The following PNKP variants were observed in gnomAD, a reference collection of about 807,000 sequenced individuals.
The protein encoded by PNKP is polynucleotide kinase 3'-phosphatase.
In PNKP, 82 loss-of-function variants were observed where a neutral mutation model predicts 66.2. The ratio of observed to expected loss-of-function variants is 1.24; its 90% CI spans 1.04 to 1.49. The LOEUF (loss-of-function observed/expected upper bound fraction) is 1.49, where lower values mean the gene tolerates loss of function less well. PNKP is among the 40% of genes most tolerant of loss of function. PNKP has a pLI of 0.00. For missense variants in PNKP, 907 were observed against 706.8 expected, an observed-to-expected ratio of 1.28 and a Z score of -3.21; for synonymous variants, 412 against 298.9, an observed-to-expected ratio of 1.38 and a Z score of -3.90.
rs749579842 is a variant in PNKP at position 49,865,298 on chromosome 19, G to C, written c.327C>G (p.Thr109=). 9.9e-6 allele frequency: 16 copies of C among 1,614,068 alleles called. No individual in the cohort carries two copies. In the Admixed American group the frequency reaches 2.5e-4, roughly 25 times the overall value. Residue 109 remains threonine (T), a synonymous_variant, in exon 4 of 17, where the codon ACC becomes ACG. Transcript: ENST00000322344. ...TATCTGGCTGGGATTCTGGTGTGCGGGTCTCTTCCCAGCGCAGGGTCAGTG... is the reference window on the plus strand; with the variant it reads ...TATCTGGCTGGGATTCTGGTGTGCGCGTCTCTTCCCAGCGCAGGGTCAGTG... ...LHPLTLRWEE[T]RTPESQPDTP...
intron 2 of PNKP, chr19:49,866,791 C>T (rs762864670): frequency 1.1e-4 from 66 of 598,008 alleles, no homozygotes; most frequent in Non-Finnish European, 1.8e-4. Flanking sequence ...CGAAGGTCGT[C>T]GCCTGTTTCT....
chr19:49,866,773 T>G (rs1476301519), intron 2 of PNKP: 2 of 593,954 alleles, frequency 3.4e-6, no homozygotes, highest in Non-Finnish European at 6.0e-6. Flanking sequence ...GGATCATTTT[T>G]CTCTTGACGA....
Position 49,861,345 on chromosome 19 carries a change from G to C in PNKP, c.1469C>G (p.Thr490Arg). 6.2e-7 allele frequency: 1 copy of C among 1,614,176 alleles called. No individual in the cohort carries two copies. The highest frequency in any genetic ancestry group is 1.7e-5 in the Admixed American group (1 of 60,028). The change falls in exon 17 of 17, where the codon ACG (threonine) becomes AGG (arginine). Residue 490 changes from threonine (T) to arginine (R), a missense_variant. Thr to Arg is a moderately conservative substitution (Grantham distance 71). Coordinates refer to ENST00000322344, the MANE Select transcript of PNKP (RefSeq NM_007254.4). ...YGYRKQFEAPTLAEGFSAILE... is the reference protein window; with the variant it reads ...YGYRKQFEAPRLAEGFSAILE... Reference sequence around the variant, plus strand: ...GATGGCAGAGAAGCCTTCAGCCAGCGTTGGGGCCTCGAACTGCTTCCTGGC... The same window carrying C: ...GATGGCAGAGAAGCCTTCAGCCAGCCTTGGGGCCTCGAACTGCTTCCTGGC...
Position 49,862,433 on chromosome 19 carries a change from T to A in PNKP, c.967A>T (p.Thr323Ser), listed in dbSNP as rs139544687. The A allele has an allele frequency of 9.5e-6, 15 of 1,573,616 alleles. No individual in the cohort carries two copies. Among genetic ancestry groups the A allele is most frequent in the Non-Finnish European group, 1.2e-5 (14 of 1,159,226 alleles). Reference sequence around the variant, plus strand: ...CACTTGAGAAAGAACTCCTCAGGCGTGGCGAAGGGCAGGCCAAGGTTGAGG... The same window carrying A: ...CACTTGAGAAAGAACTCCTCAGGCGAGGCGAAGGGCAGGCCAAGGTTGAGG... Reference protein sequence around the residue: ...FALNLGLPFATPEEFFLKWPA... With the variant: ...FALNLGLPFASPEEFFLKWPA... The change falls in exon 11 of 17, where the codon ACG (threonine) becomes TCG (serine). Residue 323 changes from threonine to serine, a missense_variant. By Grantham distance (58) the Thr-to-Ser change is moderately conservative. Transcript: ENST00000322344.
rs901324039 is a variant in PNKP, at chr19:49,863,871, C to G, written c.744+93G>C. ...TGGGTTCCTATCAGCATCACACTGCCTGAGGCCTCCGCCCCGCTTACCCTG... is the reference window on the plus strand; with the variant it reads ...TGGGTTCCTATCAGCATCACACTGCGTGAGGCCTCCGCCCCGCTTACCCTG... On this transcript the variant is annotated intron_variant, in intron 7 of 16. Coordinates refer to ENST00000322344, the MANE Select transcript of PNKP (RefSeq NM_007254.4). 5.8e-6 allele frequency: 8 copies of G among 1,369,184 alleles called. No individual in the cohort carries two copies. The African/African-American group carries it at 1.0e-4, about 17-fold the overall frequency. The allele number at this position is 1,369,184 out of a possible 1,614,324, so 84.8% of individuals were successfully genotyped here. A position where few individuals can be genotyped will look rare whatever the true frequency, so the allele number is the denominator to read the frequency against.
intron 1 of PNKP, 50 bp from the exon 2 acceptor site, chr19:49,867,267 C>T: frequency 2.0e-6 from 3 of 1,527,196 alleles, no homozygotes; most frequent in African/African-American, 1.4e-5. Context: ...CAATTTGCTG[C>T]AGGAAGTCCC....
At position 49,863,689 on chromosome 19, in the gene PNKP, C is replaced by A; in HGVS notation, c.816G>T (p.Gln272His). 1 of 1,552,978 alleles carries A rather than the reference C, an allele frequency of 6.4e-7. No individual in the cohort carries two copies. Among genetic ancestry groups the A allele is most frequent in the Middle Eastern group, 1.7e-4 (1 of 5,952 alleles). The change falls in exon 8 of 17, where the codon CAG becomes CAT. Residue 272 changes from glutamine to histidine, a missense_variant and splice_region_variant. Gln to His is a conservative substitution (Grantham distance 24). Transcript: ENST00000322344. ...GGGCCGGGCAGGCTGCAAGACTCAC[C>A]TGCTCCTGCAGATGGTCCCACATGC... is the stretch of plus-strand genomic sequence containing the variant. ...VTGMWDHLQE[Q>H]ANDGTPISIG...
rs1280817586 is a variant in PNKP, at chr19:49,866,287, A to T, written c.198+112T>A. 8.7e-6 allele frequency: 9 copies of T among 1,036,270 alleles called. No individual in the cohort carries two copies. The East Asian group carries it at 1.4e-4, about 16-fold the overall frequency. 64.2% of individuals were successfully genotyped at this position (1,036,270 alleles called of 1,614,324 possible). On this transcript the variant is annotated intron_variant, in intron 3 of 16. Transcript: ENST00000322344. ...AGTGCTGGGATTACAGGCTTGAGCC[A>T]CCACGCCCGGCCCCAATCAGATTTT... is the stretch of plus-strand genomic sequence containing the variant.
chr19:49,865,286 T>C lies in PNKP; in HGVS notation c.339A>G (p.Glu113=), dbSNP rs371199472. The C allele has an allele frequency of 1.9e-5, 31 of 1,614,094 alleles. No homozygotes were observed. The highest frequency in any genetic ancestry group is 2.5e-5 in the Non-Finnish European group (30 of 1,180,048). ...TLRWEETRTP[E]SQPDTPPGTP... is the part of the protein sequence containing the mutation. ...TGCCAGGCGGAGTATCTGGCTGGGATTCTGGTGTGCGGGTCTCTTCCCAGC... is the reference window on the plus strand; with the variant it reads ...TGCCAGGCGGAGTATCTGGCTGGGACTCTGGTGTGCGGGTCTCTTCCCAGC... The change falls in exon 4 of 17, where the codon GAA becomes GAG. Residue 113 remains glutamate, a synonymous_variant. Transcript: ENST00000322344.
In PNKP at chr19:49,865,280, C is replaced by T; in HGVS notation, c.345G>A (p.Gln115=). ...RWEETRTPES[Q]PDTPPGTPLV... ...GAGGGGTGCCAGGCGGAGTATCTGG[C>T]TGGGATTCTGGTGTGCGGGTCTCTT... is the stretch of plus-strand genomic sequence containing the variant. Residue 115 remains glutamine (Q), a synonymous_variant, in exon 4 of 17, where the codon CAG becomes CAA. Transcript: ENST00000322344. The T allele has an allele frequency of 1.2e-6, 2 of 1,614,240 alleles. No homozygotes were observed. Among genetic ancestry groups the T allele is most frequent in the South Asian group, 1.1e-5 (1 of 91,090 alleles).
intron 3 of PNKP, chr19:49,866,043 C>T (rs1000818731): frequency 5.5e-6 from 2 of 365,400 alleles, no homozygotes; most frequent in Non-Finnish European, 1.0e-5. Flanking sequence ...GACAGGTTCT[C>T]GCTCTGTCAC....
At position 49,867,055 on chromosome 19, in the gene PNKP, T is replaced by G; in HGVS notation, c.150A>C (p.Gln50His). The G allele has an allele frequency of 1.9e-6, 3 of 1,613,896 alleles. No homozygotes were observed. The highest frequency in any genetic ancestry group is 2.5e-6 in the Non-Finnish European group (3 of 1,179,896). The stretch of plus-strand genomic sequence containing the variant: ...CCCTCCAGCTCAGGCCCCGCTCACC[T>G]TGAGTTCTGGAGCACTTCCGGTCCG... ...QVTDRKCSRT[Q>H]VELVADPETR... Residue 50 changes from glutamine to histidine, a missense_variant and splice_region_variant, in exon 2 of 17, where the codon CAA (glutamine) becomes CAC (histidine). Coordinates refer to ENST00000322344, the MANE Select transcript of PNKP (RefSeq NM_007254.4).
rs763027558 is a variant in PNKP at position 49,861,864 on chromosome 19, C to T, written c.1206G>A (p.Trp402Ter). 8.2e-6 allele frequency: 13 copies of T among 1,591,930 alleles called. No individual in the cohort carries two copies. Among genetic ancestry groups the T allele is most frequent in the Non-Finnish European group, 1.1e-5 (13 of 1,172,050 alleles). The change falls in exon 14 of 17, where the codon TGG becomes TGA. Residue 402 changes from tryptophan (W) to a stop codon, truncating the protein, a stop_gained. Transcript: ENST00000322344. LOFTEE classifies it high-confidence loss of function. ...TCTCACACGTGGTCACACAGCGCTG[C>T]CAGGAGCCTAGCGTGTCCTGGGGAC... ...VHVNRDTLGS[W>*]QRCVTTCETA...
intron 8 of PNKP, among the ~76,000 whole-genome samples, chr19:49,863,155 G>A (rs1362880826): frequency 6.6e-6 from 1 of 152,230 alleles, no homozygotes; most frequent in Non-Finnish European, 1.5e-5. Context: ...GCTAGGGACT[G>A]CCTCAGGGCC....
chr19:49,866,370 CT>C (rs2122342696), intron 3 of PNKP, 28 bp downstream of exon 3: 3 of 1,606,514 alleles, frequency 1.9e-6, no homozygotes, highest in Non-Finnish European at 2.6e-6. Context: ...ATCCCCAGGC[CT>C]TGCTGGCCCT....
rs2305922 is a variant in PNKP, at chr19:49,866,849, T to G, written c.151+205A>C. 293,368 of 632,444 alleles carry G rather than the reference T, an allele frequency of 0.46. 70,613 individuals are homozygous for G. The highest frequency in any genetic ancestry group is 0.67 in the African/African-American group (36,500 of 54,858). The allele number at this position is 632,444 out of a possible 1,614,324, so 39.2% of individuals were successfully genotyped here. A position where few individuals can be genotyped will look rare whatever the true frequency, so the allele number is the denominator to read the frequency against. On this transcript the variant is annotated intron_variant, in intron 2 of 16. Transcript: ENST00000322344. ...TCATCCGCGCAGTGAACATCCTCCC[T>G]AAATCGGCTCGATCCCCTCTCCCCC...
rs1351150945 is a variant in PNKP, at chr19:49,864,386, C to T, written c.516G>A (p.Leu172=). 1 of 1,613,900 alleles carries T rather than the reference C, an allele frequency of 6.2e-7. No individual in the cohort carries two copies. The highest frequency in any genetic ancestry group is 8.5e-7 in the Non-Finnish European group (1 of 1,179,800). The part of the protein sequence containing the change: ...KPQGKVAGFD[L]DGTLITTRSG... ...AGCGTGTGGTGATGAGCGTCCCGTCCAGATCAAAGCCAGCCACCTGGTGTC... is the reference window on the plus strand; with the variant it reads ...AGCGTGTGGTGATGAGCGTCCCGTCTAGATCAAAGCCAGCCACCTGGTGTC... Residue 172 remains leucine, a synonymous_variant, in exon 5 of 17, where the codon CTG becomes CTA. Coordinates refer to ENST00000322344, the MANE Select transcript of PNKP (RefSeq NM_007254.4).
Position 49,863,949 on chromosome 19 carries a change from C to T in PNKP, c.744+15G>A. On this transcript the variant is annotated intron_variant, in intron 7 of 16. Coordinates refer to ENST00000322344, the MANE Select transcript of PNKP (RefSeq NM_007254.4). ...TGTGCCCCCACATAGCTCCCAGCCT[C>T]CCTTCCAGCCATACCTGGAAGGGGA... The T allele has an allele frequency of 6.3e-7, 1 of 1,592,168 alleles. No homozygotes were observed. The highest frequency in any genetic ancestry group is 8.6e-7 in the Non-Finnish European group (1 of 1,160,646).
At position 49,862,074 on chromosome 19, in the gene PNKP, G is replaced by A. The variant is rs373766090; in HGVS notation, c.1158C>T (p.Leu386=). The part of the protein sequence containing the change: ...AGKSTFLKKH[L]VSAGYVHVNR... ...TCACGTGGACATATCCGGCCGACAC[G>A]AGGTGCTTCTTGAGAAAGGTGGACT... Residue 386 remains leucine, a synonymous_variant, in exon 13 of 17, where the codon CTC becomes CTT. Coordinates refer to ENST00000322344, the MANE Select transcript of PNKP (RefSeq NM_007254.4). 2.5e-6 allele frequency: 4 copies of A among 1,614,166 alleles called. No individual in the cohort carries two copies. Among genetic ancestry groups the A allele is most frequent in the Non-Finnish European group, 2.5e-6 (3 of 1,180,010 alleles).
Sources: gnomAD v4.1 joint callset for allele counts (sites outside exome capture counted in the v4.1 genomes callset) on GRCh38, gnomAD v4.1.1 for gene constraint, MANE v1.5 for transcripts, NCBI Gene and HGNC (gene_info 2026-07-23, HGNC 2026-07-21) for gene names.